THSD7B: variants seen among roughly 807,000 people sequenced by gnomAD.
THSD7B encodes thrombospondin type-1 domain-containing protein 7B.
A neutral mutation model predicts 213.6 loss-of-function variants in THSD7B; 138 were observed. The observed-to-expected ratio is 0.65, with a 90% CI of 0.56 to 0.74. The LOEUF is 0.74. THSD7B is among the 30% of genes least tolerant of loss of function. THSD7B has a pLI of 0.00. For missense variants in THSD7B, 1,931 were observed against 1,991.5 expected (o/e 0.97, Z 0.58); for synonymous variants, 742 against 687.0 (o/e 1.08, Z -1.25).
At chr2:137,292,293 A>T (rs1683355343) in intron 12 of THSD7B, among the ~76,000 whole-genome samples, 2 of 152,170 alleles carry the variant, frequency 1.3e-5, no homozygotes, top group Admixed American at 1.3e-4. Context: ...AGTAGTGCTA[A>T]ACACTTTTTT....
At chr2:137,182,535 C>T (rs1268676035) in intron 7 of THSD7B, among the ~76,000 whole-genome samples, 2 of 152,118 alleles carry the variant, frequency 1.3e-5, no homozygotes, top group Non-Finnish European at 2.9e-5. Flanking sequence ...GTCATTTCTT[C>T]AAAAGGTATG....
At chr2:137,303,704 T>TTATATATATA (rs1195856483) in intron 12 of THSD7B, among the ~76,000 whole-genome samples, 1 of 121,520 alleles carries the variant, frequency 8.2e-6, no homozygotes, top group African/African-American at 3.2e-5. Context: ...TTATATATAT[T>TTATATATATA]TATATATATA....
chr2:137,587,105 C>A (rs1156332425), intron 17 of THSD7B, among the ~76,000 whole-genome samples: 1 of 152,194 alleles, frequency 6.6e-6, no homozygotes, highest in African/African-American at 2.4e-5. Context: ...ATCACTGATA[C>A]CCTTTCTTCC....
chr2:137,485,753 G>A (rs1278813051), intron 15 of THSD7B, among the ~76,000 whole-genome samples: 1 of 152,098 alleles, frequency 6.6e-6, no homozygotes, highest in Non-Finnish European at 1.5e-5. Context: ...GAGAAAGATC[G>A]GGTTACCCAC....
rs1306057765 is a variant in THSD7B, at chr2:136,846,274, C to T, written c.-35-35870C>T. On this transcript the variant is annotated intron_variant, in intron 1 of 27. Coordinates refer to ENST00000409968, the MANE Select transcript of THSD7B (RefSeq NM_001316349.2). ...TTATCACACTCATACCCTGGGTTATCGTACCCTGGGTTGGGTAACTAAGGA... is the reference window on the plus strand; with the variant it reads ...TTATCACACTCATACCCTGGGTTATTGTACCCTGGGTTGGGTAACTAAGGA... Among the ~76,000 whole-genome samples, 7 of 152,142 alleles carry T rather than the reference C, an allele frequency of 4.6e-5. 1 individual carries two copies. The highest frequency in any genetic ancestry group is 4.2e-4 in the South Asian group (2 of 4,800).
chr2:137,400,621 G>A (rs1400096379), intron 12 of THSD7B, among the ~76,000 whole-genome samples: 2 of 152,206 alleles, frequency 1.3e-5, no homozygotes, highest in Non-Finnish European at 2.9e-5. Context: ...CAGTGGTCAT[G>A]AGAAGCTTTT....
intron 7 of THSD7B, 71 bp from the exon 8 acceptor site, chr2:137,230,973 G>A: frequency 7.0e-7 from 1 of 1,425,878 alleles, no homozygotes; most frequent in Non-Finnish European, 9.6e-7. Flanking sequence ...ACTTTAAACT[G>A]AAGTAATAGA....
At chr2:137,159,515 G>GTGAA (rs959106650) in intron 5 of THSD7B, among the ~76,000 whole-genome samples, 2 of 152,056 alleles carry the variant, frequency 1.3e-5, no homozygotes, top group Non-Finnish European at 1.5e-5. Context: ...AGGACACATG[G>GTGAA]TGAACACTGT....
intron 1 of THSD7B, among the ~76,000 whole-genome samples, chr2:136,809,447 T>TCA (rs981182387): frequency 3.9e-5 from 6 of 152,214 alleles, no homozygotes; most frequent in African/African-American, 1.4e-4. Flanking sequence ...AGCTTGGTCT[T>TCA]GTTGAAGTTG....
intron 1 of THSD7B, among the ~76,000 whole-genome samples, chr2:136,846,545 C>T (rs369522187): frequency 3.9e-5 from 6 of 152,188 alleles, no homozygotes; most frequent in Admixed American, 6.5e-5. Flanking sequence ...ACATAAGAAT[C>T]GTTTATGGAT....
chr2:136,870,186 C>G (rs1683409660), intron 1 of THSD7B, among the ~76,000 whole-genome samples: 1 of 151,906 alleles, frequency 6.6e-6, no homozygotes, highest in South Asian at 2.1e-4. Context: ...TGCATACCTT[C>G]CAAATGTTGG....
intron 15 of THSD7B, among the ~76,000 whole-genome samples, chr2:137,531,967 T>G (rs1168568479): frequency 1.3e-5 from 2 of 151,948 alleles, no homozygotes; most frequent in East Asian, 3.9e-4. Context: ...TAGAGATAAT[T>G]AGCCTTCTAC....
intron 12 of THSD7B, among the ~76,000 whole-genome samples, chr2:137,332,031 T>A (rs1304258043): frequency 6.6e-6 from 1 of 152,128 alleles, no homozygotes; most frequent in Non-Finnish European, 1.5e-5. Context: ...GCTCCGGCCT[T>A]GGCCAGCCCA....
At chr2:137,061,422 A>G (rs1361263501) in intron 3 of THSD7B, among the ~76,000 whole-genome samples, 1 of 113,052 alleles carries the variant, frequency 8.8e-6, no homozygotes, top group Non-Finnish European at 1.8e-5. Context: ...ATGAGAAAGG[A>G]CATTCTTTTT....
chr2:136,810,383 A>T (rs1271028739), intron 1 of THSD7B, among the ~76,000 whole-genome samples: 4 of 152,234 alleles, frequency 2.6e-5, no homozygotes, highest in African/African-American at 7.2e-5. Context: ...CTATACGACT[A>T]TAAAAGTGGT....
chr2:136,773,439 A>G (rs2104900087), intron 1 of THSD7B, among the ~76,000 whole-genome samples: 1 of 152,200 alleles, frequency 6.6e-6, no homozygotes, highest in South Asian at 2.1e-4. Flanking sequence ...GCAACCTTGT[A>G]TTTTTTAGTA....
At chr2:137,026,372 T>C (rs1686556528) in intron 2 of THSD7B, among the ~76,000 whole-genome samples, 1 of 152,214 alleles carries the variant, frequency 6.6e-6, no homozygotes, top group African/African-American at 2.4e-5. Flanking sequence ...CTTTCTTCCA[T>C]GGCCACATCT....
At chr2:136,868,111 C>T (rs1239875870) in intron 1 of THSD7B, among the ~76,000 whole-genome samples, 1 of 139,028 alleles carries the variant, frequency 7.2e-6, no homozygotes, top group Non-Finnish European at 1.6e-5. Flanking sequence ...CACACACACA[C>T]ACGCGCGCGC....
intron 2 of THSD7B, among the ~76,000 whole-genome samples, chr2:136,949,417 T>C (rs1202773853): frequency 1.3e-5 from 2 of 152,210 alleles, no homozygotes; most frequent in Non-Finnish European, 2.9e-5. Context: ...CCAGATGAAA[T>C]GCATTTGAAG....
Sources: allele counts gnomAD v4.1 joint callset (sites outside exome capture counted in the v4.1 genomes callset), GRCh38; gene constraint gnomAD v4.1.1; transcripts MANE v1.5; gene names NCBI Gene and HGNC (gene_info 2026-07-23, HGNC 2026-07-21).